The following PLXDC2 variants were observed in gnomAD, a reference collection of about 807,000 sequenced individuals.
PLXDC2 encodes the protein plexin domain containing 2, also known as plexin domain-containing protein 2.
A neutral mutation model predicts 68.9 loss-of-function variants in PLXDC2; 40 were observed. The observed-to-expected ratio is 0.58, with a 90% CI of 0.45 to 0.76. The LOEUF (loss-of-function observed/expected upper bound fraction) is 0.76, where lower values mean the gene tolerates loss of function less well. Ranked by LOEUF, PLXDC2 falls within the 30% of genes least tolerant of loss-of-function variation. PLXDC2 has a pLI of 0.00. For synonymous variants in PLXDC2, 243 were observed against 234.2 expected, an observed-to-expected ratio of 1.04 and a Z score of -0.34; for missense variants, 644 against 661.9, an observed-to-expected ratio of 0.97 and a Z score of 0.30.
At chr10:19,948,225 AG>A (rs1833935218) in intron 1 of PLXDC2, among the ~76,000 whole-genome samples, 1 of 152,158 alleles carries the variant, frequency 6.6e-6, no homozygotes, top group African/African-American at 2.4e-5. Context: ...TTAGGGCCTC[AG>A]AAGAAGGTAA....
chr10:20,133,233 A>T (rs1448348769), intron 4 of PLXDC2, among the ~76,000 whole-genome samples: 1 of 152,234 alleles, frequency 6.6e-6, no homozygotes, highest in Non-Finnish European at 1.5e-5. Context: ...GTTAAAAGTG[A>T]GTTGTGGAGC....
intron 2 of PLXDC2, among the ~76,000 whole-genome samples, chr10:20,022,193 G>C (rs1440374179): frequency 6.6e-6 from 1 of 152,122 alleles, no homozygotes; most frequent in African/African-American, 2.4e-5. Context: ...AAGCAATAAG[G>C]TTCCTAGATT....
intron 1 of PLXDC2, among the ~76,000 whole-genome samples, chr10:19,989,802 T>C (rs1477556898): frequency 6.7e-6 from 1 of 150,120 alleles, no homozygotes; most frequent in Non-Finnish European, 1.5e-5. Context: ...CAGGTTGGAG[T>C]GCAGTGGTGT....
chr10:19,891,484 C>T lies in PLXDC2; in HGVS notation c.112+74293C>T, dbSNP rs566465755. ...GCTATAGAGTTTTGAATGACATTAT[C>T]CCAGAGTCTAACATGGGAAATATTA... On this transcript the variant is annotated intron_variant, in intron 1 of 13. Transcript: ENST00000377252. Among the ~76,000 whole-genome samples, 50 of 152,318 alleles carry T rather than the reference C, an allele frequency of 3.3e-4. No homozygotes were observed. In the South Asian group the frequency reaches 9.7e-3, roughly 30 times the overall value.
At chr10:19,906,966 G>A (rs1833175822) in intron 1 of PLXDC2, among the ~76,000 whole-genome samples, 1 of 152,152 alleles carries the variant, frequency 6.6e-6, no homozygotes, top group South Asian at 2.1e-4. Flanking sequence ...TCACCTATTA[G>A]AGGGTTCTGA....
At position 20,283,077 on chromosome 10, in the gene PLXDC2, T is replaced by C. The variant is rs1051909194; in HGVS notation, c.*3258T>C. On this transcript the variant is annotated 3_prime_UTR_variant, in exon 14 of 14. Transcript: ENST00000377252. Reference sequence around the variant, plus strand: ...CTTCCGTGGTTGAAGAAAATTTTAATGGACAATGCTGTGTTTCATTTGAAT... The same window carrying C: ...CTTCCGTGGTTGAAGAAAATTTTAACGGACAATGCTGTGTTTCATTTGAAT... 6.6e-6 allele frequency: 1 copy of C among 152,210 alleles called. No individual in the cohort carries two copies. The highest frequency in any genetic ancestry group is 1.5e-5 in the Non-Finnish European group (1 of 68,042). 9.4% of individuals were successfully genotyped at this position (152,210 alleles called of 1,614,324 possible). A position where few individuals can be genotyped will look rare whatever the true frequency, so the allele number is the denominator to read the frequency against.
intron 1 of PLXDC2, among the ~76,000 whole-genome samples, chr10:19,992,379 A>C (rs1834764395): frequency 6.6e-6 from 1 of 152,242 alleles, no homozygotes; most frequent in Admixed American, 6.5e-5. Context: ...ATTAAAAAAT[A>C]GATTTTCAGA....
intron 1 of PLXDC2, among the ~76,000 whole-genome samples, chr10:19,898,877 C>G (rs79338826): frequency 6.6e-6 from 1 of 152,044 alleles, no homozygotes; most frequent in Non-Finnish European, 1.5e-5. Context: ...GTGAATTAAA[C>G]AAATATTTAC....
intron 3 of PLXDC2, among the ~76,000 whole-genome samples, chr10:20,047,826 G>A (rs1402531466): frequency 1.3e-5 from 2 of 152,072 alleles, no homozygotes; most frequent in Non-Finnish European, 2.9e-5. Context: ...CCTGCCCAAG[G>A]TCTCCACTAG....
intron 1 of PLXDC2, among the ~76,000 whole-genome samples, chr10:19,976,233 A>G (rs933466792): frequency 7.2e-5 from 11 of 151,842 alleles, no homozygotes; most frequent in African/African-American, 2.7e-4. Flanking sequence ...TGTTTTTTTG[A>G]GACAGAGTCT....
At chr10:20,072,481 C>T (rs1430379703) in intron 4 of PLXDC2, among the ~76,000 whole-genome samples, 1 of 72,602 alleles carries the variant, frequency 1.4e-5, no homozygotes, top group Non-Finnish European at 3.4e-5. Context: ...AAAGAAGGAA[C>T]AAAGAAAGAA....
chr10:20,093,384 T>G (rs1323336824), intron 4 of PLXDC2, among the ~76,000 whole-genome samples: 1 of 152,102 alleles, frequency 6.6e-6, no homozygotes, highest in African/African-American at 2.4e-5. Context: ...TATATTAATA[T>G]TTTGACTATA....
rs59776582 is a variant in PLXDC2 at position 20,052,722 on chromosome 10, CAA to C, written c.471+5725_471+5726del. On this transcript the variant is annotated intron_variant, in intron 3 of 13. Coordinates refer to ENST00000377252, the MANE Select transcript of PLXDC2 (RefSeq NM_032812.9). Reference sequence around the variant, plus strand: ...ATATATATTCCGTCAACAAATTATGCAAAAAAAAAAAAAAAAAAAGAAAGAAA... The same window carrying C: ...ATATATATTCCGTCAACAAATTATGCAAAAAAAAAAAAAAAAAGAAAGAAA... Among the ~76,000 whole-genome samples, 399 of 92,808 alleles carry C rather than the reference CAA, an allele frequency of 4.3e-3. 3 individuals are homozygous for C. The highest frequency in any genetic ancestry group is 0.014 in the African/African-American group (365 of 26,090). 60.9% of individuals were successfully genotyped at this position (92,808 alleles called of 152,430 possible). A position where few individuals can be genotyped will look rare whatever the true frequency, so the allele number is the denominator to read the frequency against.
At chr10:19,959,957 T>C (rs1237723092) in intron 1 of PLXDC2, among the ~76,000 whole-genome samples, 2 of 152,182 alleles carry the variant, frequency 1.3e-5, no homozygotes, top group African/African-American at 4.8e-5. Context: ...GTGGCACAGA[T>C]GTGAAAATCC....
At chr10:19,886,017 T>C (rs1335174375) in intron 1 of PLXDC2, among the ~76,000 whole-genome samples, 1 of 152,196 alleles carries the variant, frequency 6.6e-6, no homozygotes, top group East Asian at 1.9e-4. Flanking sequence ...GTTTGTATCC[T>C]GTTTTATTTC....
chr10:20,163,758 T>C (rs1229564481), intron 6 of PLXDC2, among the ~76,000 whole-genome samples: 4 of 152,154 alleles, frequency 2.6e-5, no homozygotes, highest in East Asian at 3.8e-4. Context: ...ATAACTCTTA[T>C]ATCATTTTTC....
At chr10:19,864,187 T>C (rs1325104340) in intron 1 of PLXDC2, among the ~76,000 whole-genome samples, 1 of 152,108 alleles carries the variant, frequency 6.6e-6, no homozygotes, top group African/African-American at 2.4e-5. Flanking sequence ...AATTTTTTTG[T>C]AGAGATAGGG....
chr10:20,162,440 T>A (rs1834312492), intron 6 of PLXDC2, among the ~76,000 whole-genome samples: 1 of 152,060 alleles, frequency 6.6e-6, no homozygotes, highest in Non-Finnish European at 1.5e-5. Context: ...AAAACTGAAC[T>A]CACAGAAGTT....
At chr10:19,848,332 C>A (rs1030668498) in intron 1 of PLXDC2, among the ~76,000 whole-genome samples, 2 of 152,102 alleles carry the variant, frequency 1.3e-5, no homozygotes, top group African/African-American at 4.8e-5. Context: ...TCTGTTTCTG[C>A]AGTTTGGTGG....
Sources: allele counts gnomAD v4.1 joint callset (sites outside exome capture counted in the v4.1 genomes callset), GRCh38; gene constraint gnomAD v4.1.1; transcripts MANE v1.5; gene names NCBI Gene and HGNC (gene_info 2026-07-23, HGNC 2026-07-21).